The following MIPOL1 variants were observed in gnomAD, a reference collection of about 807,000 sequenced individuals.
MIPOL1 encodes mirror-image polydactyly gene 1 protein.
In MIPOL1, 57 loss-of-function variants were observed where a neutral mutation model predicts 60.9. The observed-to-expected ratio is 0.94, with a 90% CI of 0.76 to 1.17. The LOEUF is 1.17. Ranked by LOEUF, MIPOL1 falls within the 50% of genes most tolerant of loss-of-function variation. MIPOL1 has a pLI of 0.00. For missense variants in MIPOL1, 551 were observed against 511.6 expected (o/e 1.08, Z -0.74); for synonymous variants, 179 against 168.8 (o/e 1.06, Z -0.47).
intron 10 of MIPOL1, among the ~76,000 whole-genome samples, chr14:37,411,837 A>T (rs189270635): frequency 6.6e-6 from 1 of 152,268 alleles, no homozygotes. Flanking sequence ...TTCGCCTATC[A>T]CTTAGTAGAG....
intron 12 of MIPOL1, chr14:37,523,347 T>C (rs1049180335): frequency 9.2e-6 from 3 of 327,592 alleles, no homozygotes; most frequent in African/African-American, 6.3e-5. Flanking sequence ...AATGGTGATC[T>C]AGGTGTCCTA....
intron 11 of MIPOL1, among the ~76,000 whole-genome samples, chr14:37,466,821 A>C (rs1364911183): frequency 1.3e-5 from 2 of 152,198 alleles, no homozygotes; most frequent in African/African-American, 4.8e-5. Context: ...AGAACTGAAC[A>C]TGTTTACATT....
intron 7 of MIPOL1, among the ~76,000 whole-genome samples, chr14:37,297,191 C>T (rs1309756367): frequency 1.3e-5 from 2 of 152,196 alleles, no homozygotes; most frequent in Non-Finnish European, 2.9e-5. Flanking sequence ...ATAAACAGAA[C>T]CAAAGATAAA....
intron 1 of MIPOL1, among the ~76,000 whole-genome samples, chr14:37,234,750 A>G (rs868528781): frequency 1.8e-4 from 28 of 151,656 alleles, no homozygotes; most frequent in Non-Finnish European, 4.0e-4. Flanking sequence ...CAGTACTGAT[A>G]GAGGTCTAAT....
chr14:37,386,720 G>T (rs1482496245), intron 10 of MIPOL1, among the ~76,000 whole-genome samples: 2 of 152,040 alleles, frequency 1.3e-5, no homozygotes, highest in Non-Finnish European at 1.5e-5. Flanking sequence ...ATGTAGTAGA[G>T]AACAGATAAA....
intron 11 of MIPOL1, among the ~76,000 whole-genome samples, chr14:37,445,154 C>T (rs2094313248): frequency 6.6e-6 from 1 of 152,088 alleles, no homozygotes; most frequent in Admixed American, 6.6e-5. Context: ...TTGCAGATGA[C>T]ATGATTGTAT....
intron 6 of MIPOL1, among the ~76,000 whole-genome samples, chr14:37,283,081 T>C (rs1252315717): frequency 1.4e-5 from 2 of 142,794 alleles, no homozygotes; most frequent in Non-Finnish European, 3.1e-5. Context: ...GTTTGTTTGT[T>C]TGTTTTGAGA....
At chr14:37,202,990 G>C (rs929478665) in intron 1 of MIPOL1, among the ~76,000 whole-genome samples, 30 of 152,116 alleles carry the variant, frequency 2.0e-4, no homozygotes, top group Admixed American at 3.3e-4. Flanking sequence ...AGCTACCTGG[G>C]ACTGGGGATG....
chr14:37,424,376 G>A (rs920011031), intron 11 of MIPOL1, among the ~76,000 whole-genome samples: 2 of 152,110 alleles, frequency 1.3e-5, no homozygotes, highest in Non-Finnish European at 2.9e-5. Context: ...CATGCACAGA[G>A]GGAAGACAAT....
intron 3 of MIPOL1, among the ~76,000 whole-genome samples, chr14:37,259,576 C>CA (rs1289295340): frequency 1.4e-4 from 21 of 151,022 alleles, no homozygotes; most frequent in African/African-American, 3.2e-4. Flanking sequence ...TAAAAAAAAA[C>CA]AAAAAAAACA....
At chr14:37,363,828 G>T (rs1392119080) in intron 9 of MIPOL1, among the ~76,000 whole-genome samples, 1 of 152,144 alleles carries the variant, frequency 6.6e-6, no homozygotes, top group Non-Finnish European at 1.5e-5. Flanking sequence ...ACCTACATAA[G>T]CCTCAGTAAT....
chr14:37,268,527 A>G, intron 4 of MIPOL1, 131 bp from the exon 5 acceptor site: 1 of 657,226 alleles, frequency 1.5e-6, no homozygotes, highest in Non-Finnish European at 2.5e-6. Context: ...TCAAAAAAAC[A>G]GCCCATCTCT....
intron 3 of MIPOL1, among the ~76,000 whole-genome samples, chr14:37,250,198 T>G (rs1973862379): frequency 6.6e-6 from 1 of 152,180 alleles, no homozygotes; most frequent in Non-Finnish European, 1.5e-5. Context: ...GGCATCTTTT[T>G]GACATTGGAA....
At chr14:37,406,941 C>T (rs2093597650) in intron 10 of MIPOL1, among the ~76,000 whole-genome samples, 1 of 151,990 alleles carries the variant, frequency 6.6e-6, no homozygotes, top group South Asian at 2.1e-4. Context: ...AAGTAACGGG[C>T]ATCTAACTAG....
intron 1 of MIPOL1, among the ~76,000 whole-genome samples, chr14:37,233,584 G>T (rs1970964545): frequency 6.6e-6 from 1 of 152,140 alleles, no homozygotes; most frequent in South Asian, 2.1e-4. Context: ...AAAAATGAAT[G>T]CCTTTTACAG....
chr14:37,221,133 T>C (rs960320948), intron 1 of MIPOL1, among the ~76,000 whole-genome samples: 4 of 152,206 alleles, frequency 2.6e-5, no homozygotes, highest in Non-Finnish European at 5.9e-5. Context: ...CATGTAAATG[T>C]ACCTGCCTTA....
chr14:37,308,626 T>A, intron 9 of MIPOL1, 107 bp downstream of exon 9: 3 of 705,950 alleles, frequency 4.2e-6, no homozygotes, highest in Non-Finnish European at 6.4e-6. Context: ...CACATTAATT[T>A]TTAGCACATA....
Position 37,247,887 on chromosome 14 carries a change from A to G in MIPOL1, c.-2A>G. Reference sequence around the variant, plus strand: ...CCAGAGCAAACAAGAACAGAAATACAAATGGAGAACTGGTCAAAAGGTAAG... The same window carrying G: ...CCAGAGCAAACAAGAACAGAAATACGAATGGAGAACTGGTCAAAAGGTAAG... On this transcript the variant is annotated 5_prime_UTR_variant, in exon 3 of 13. Coordinates refer to ENST00000684589, the MANE Select transcript of MIPOL1 (RefSeq NM_001388067.1). The G allele has an allele frequency of 6.2e-7, 1 of 1,613,272 alleles. No homozygotes were observed. Among genetic ancestry groups the G allele is most frequent in the South Asian group, 1.1e-5 (1 of 90,996 alleles).
chr14:37,503,160 G>T (rs1381726703), intron 12 of MIPOL1: 1 of 152,162 alleles, frequency 6.6e-6, no homozygotes, highest in East Asian at 1.9e-4. Flanking sequence ...AAAGTGACGG[G>T]GAGAATGAAA....
Sources: gnomAD v4.1 joint callset for allele counts (sites outside exome capture counted in the v4.1 genomes callset) on GRCh38, gnomAD v4.1.1 for gene constraint, MANE v1.5 for transcripts, NCBI Gene and HGNC (gene_info 2026-07-23, HGNC 2026-07-21) for gene names.